Variants in C14orf39 observed in about 807,000 individuals in gnomAD.
The protein encoded by C14orf39 is protein SIX6OS1.
Under a neutral mutation model 85.6 loss-of-function variants are expected in C14orf39, and 66 were observed. The observed-to-expected ratio is 0.77, with a 90% confidence interval of 0.63 to 0.95. C14orf39 has a LOEUF of 0.95. Among genes scored for constraint, C14orf39 ranks in the 40% least tolerant of loss-of-function variants. C14orf39 has a pLI of 0.00. For missense variants in C14orf39, 735 were observed against 663.9 expected (o/e 1.11, Z -1.18); for synonymous variants, 242 against 214.0 (o/e 1.13, Z -1.14).
At chr14:60,464,561 G>T (rs939864863) in intron 11 of C14orf39, among the ~76,000 whole-genome samples, 1 of 151,864 alleles carries the variant, frequency 6.6e-6, no homozygotes, top group Admixed American at 6.6e-5. Context: ...AGTGTATTGT[G>T]GTTTTTATAA....
chr14:60,458,843 AC>A, intron 13 of C14orf39, 104 bp from the exon 14 acceptor site: 6 of 848,670 alleles, frequency 7.1e-6, no homozygotes, highest in Non-Finnish European at 1.1e-5. Flanking sequence ...GTTTTAACCT[AC>A]AAAAATGGCA....
chr14:60,471,724 A>G lies in C14orf39; in HGVS notation c.339T>C (p.Asp113=). The part of the protein sequence containing the change: ...TVEKDKEMYH[D]YICQYKEVLK... Reference sequence around the variant, plus strand: ...AAACTTCTTTATACTGACATATATAATCATGATACATTTCTCTGTTAAAAT... The same window carrying G: ...AAACTTCTTTATACTGACATATATAGTCATGATACATTTCTCTGTTAAAAT... The change falls in exon 6 of 18, where the codon GAT becomes GAC. Residue 113 remains aspartate (D), a synonymous_variant. Transcript: ENST00000321731. 6.6e-7 allele frequency: 1 copy of G among 1,518,486 alleles called. No individual in the cohort carries two copies. The highest frequency in any genetic ancestry group is 2.3e-5 in the East Asian group (1 of 44,208). 94.1% of individuals were successfully genotyped at this position (1,518,486 alleles called of 1,614,324 possible). A position where few individuals can be genotyped will look rare whatever the true frequency, so the allele number is the denominator to read the frequency against.
Position 60,514,885 on chromosome 14 carries a change from G to C in C14orf39, c.-144+510C>G, listed in dbSNP as rs1332625464. Among the ~76,000 whole-genome samples the C allele has an allele frequency of 2.0e-5, 3 of 152,226 alleles. No homozygotes were observed. In the East Asian group the frequency reaches 5.8e-4, roughly 30 times the overall value. The stretch of plus-strand genomic sequence containing the variant: ...GCGGAGCCCGGGGGCGGCCGTGAAT[G>C]GGGGGTCTGTGGAGCGGCCGGCGGG... On this transcript the variant is annotated intron_variant, in intron 1 of 5. Transcript: ENST00000556799.
Position 60,437,030 on chromosome 14 carries a change from G to A in C14orf39, c.1579C>T (p.Pro527Ser). 6.2e-7 allele frequency: 1 copy of A among 1,605,158 alleles called. No individual in the cohort carries two copies. The highest frequency in any genetic ancestry group is 1.1e-5 in the South Asian group (1 of 88,924). ...AATGTAAAGCCATCTTCTCCTTCTGGCTTCTCAAGTAAGTTTCCTAAGGAA... is the reference window on the plus strand; with the variant it reads ...AATGTAAAGCCATCTTCTCCTTCTGACTTCTCAAGTAAGTTTCCTAAGGAA... ...EQEIGNLLEK[P>S]EGEDGFTFSF... Residue 527 changes from proline (P) to serine (S), a missense_variant, in exon 18 of 18, where the codon CCA becomes TCA. Physicochemically the swap from Pro to Ser is moderately conservative, Grantham distance 74. Transcript: ENST00000321731.
chr14:60,511,254 T>C, intron 1 of C14orf39: 3 of 1,613,320 alleles, frequency 1.9e-6, no homozygotes, highest in Non-Finnish European at 1.7e-6. Flanking sequence ...GACATCTGAG[T>C]TGCCCATCCA....
At chr14:60,481,112 T>C (rs1474948525) in intron 4 of C14orf39, among the ~76,000 whole-genome samples, 1 of 152,316 alleles carries the variant, frequency 6.6e-6, no homozygotes, top group Admixed American at 6.5e-5. Context: ...TTTTTAATAT[T>C]CTCATCACAA....
chr14:60,445,979 A>T (rs1433582281), intron 16 of C14orf39, among the ~76,000 whole-genome samples: 1 of 152,210 alleles, frequency 6.6e-6, no homozygotes, highest in South Asian at 2.1e-4. Context: ...AAATAACAAA[A>T]TGAAGGGAGA....
At position 60,476,637 on chromosome 14, in the gene C14orf39, C is replaced by T. The variant is rs553656825; in HGVS notation, c.323+1663G>A. ...TATAACAAACACTGTTAGAGAAGTA[C>T]ATATTTTAACTGGTTTGCTTTAGCC... On this transcript the variant is annotated intron_variant, in intron 5 of 17. Coordinates refer to ENST00000321731, the MANE Select transcript of C14orf39 (RefSeq NM_174978.3). Among the ~76,000 whole-genome samples the T allele has an allele frequency of 4.6e-4, 70 of 152,284 alleles. 2 individuals carry two copies. In the South Asian group the frequency reaches 0.014, roughly 31 times the overall value.
chr14:60,472,398 C>T (rs1892132071), intron 5 of C14orf39, among the ~76,000 whole-genome samples: 1 of 151,734 alleles, frequency 6.6e-6, no homozygotes, highest in South Asian at 2.1e-4. Flanking sequence ...GGACATTAAC[C>T]TTTTTTTCTT....
chr14:60,499,999 G>C (rs1470241238), intron 1 of C14orf39, among the ~76,000 whole-genome samples: 1 of 152,114 alleles, frequency 6.6e-6, no homozygotes, highest in Non-Finnish European at 1.5e-5. Context: ...TTAATGACCA[G>C]AGTGTGAGGA....
chr14:60,473,690 G>T (rs980420320), intron 5 of C14orf39, among the ~76,000 whole-genome samples: 14 of 151,976 alleles, frequency 9.2e-5, no homozygotes, highest in Admixed American at 3.9e-4. Flanking sequence ...TTTTGTCAGG[G>T]TTGTCAAAGA....
chr14:60,461,231 C>T (rs1284397995), intron 13 of C14orf39, 123 bp downstream of exon 13: 2 of 684,890 alleles, frequency 2.9e-6, no homozygotes, highest in Non-Finnish European at 2.4e-6. Context: ...TATTTTAAAG[C>T]CAGGCGTGCA....
intron 10 of C14orf39, 138 bp downstream of exon 10, chr14:60,466,779 A>G (rs1479528230): frequency 8.0e-6 from 4 of 499,054 alleles, no homozygotes; most frequent in African/African-American, 4.0e-5. Flanking sequence ...GAAAGATTCA[A>G]AGCAGTACTC....
intron 1 of C14orf39, among the ~76,000 whole-genome samples, chr14:60,510,225 C>G (rs77156995): frequency 9.5e-4 from 145 of 152,290 alleles, no homozygotes; most frequent in Non-Finnish European, 1.4e-3. Context: ...CAAGGCTTCA[C>G]TGGGACGGAG....
chr14:60,444,057 A>G (rs1890649391), intron 16 of C14orf39, among the ~76,000 whole-genome samples: 1 of 152,212 alleles, frequency 6.6e-6, no homozygotes, highest in East Asian at 1.9e-4. Flanking sequence ...CCAACATAAA[A>G]GACCAAAGGT....
intron 5 of C14orf39, among the ~76,000 whole-genome samples, chr14:60,472,658 T>A (rs1052120620): frequency 3.9e-5 from 6 of 152,160 alleles, no homozygotes; most frequent in Non-Finnish European, 8.8e-5. Context: ...AGTGTTTGCT[T>A]TTTTGTCCTT....
chr14:60,446,332 A>T (rs1890764567), intron 16 of C14orf39, among the ~76,000 whole-genome samples: 1 of 152,204 alleles, frequency 6.6e-6, no homozygotes, highest in African/African-American at 2.4e-5. Flanking sequence ...AAGAGAGAAG[A>T]ATCAAATAGA....
chr14:60,509,168 C>T, intron 1 of C14orf39: 1 of 564,078 alleles, frequency 1.8e-6, no homozygotes, highest in Non-Finnish European at 3.2e-6. Context: ...AGCTCGCCTG[C>T]CGGCGTGCCT....
In C14orf39 at chr14:60,471,635, CTT is replaced by C; in HGVS notation, c.426_427del (p.Glu144ThrfsTer2). 2 of 1,611,004 alleles carry C rather than the reference CTT, an allele frequency of 1.2e-6. No homozygotes were observed. Among genetic ancestry groups the C allele is most frequent in the Non-Finnish European group, 1.7e-6 (2 of 1,178,302 alleles). On this transcript the variant is annotated frameshift_variant, in exon 6 of 18. Coordinates refer to ENST00000321731, the MANE Select transcript of C14orf39 (RefSeq NM_174978.3). LOFTEE classifies it high-confidence loss of function. ...TCTGCTTTGAATTTCTTCATGTTCT[CTT>C]TTCTTCTCATAATATTCACGTGAAA...
Sources: gnomAD v4.1 joint callset for allele counts (sites outside exome capture counted in the v4.1 genomes callset) on GRCh38, gnomAD v4.1.1 for gene constraint, MANE v1.5 for transcripts, NCBI Gene and HGNC (gene_info 2026-07-23, HGNC 2026-07-21) for gene names.